Variants in PPM1H observed in about 807,000 individuals in gnomAD.
The protein encoded by PPM1H is protein phosphatase 1H.
In PPM1H, 27 loss-of-function variants were observed where a neutral mutation model predicts 54.9. That is an observed-to-expected ratio of 0.49 (90% confidence interval 0.36 to 0.68). The LOEUF (loss-of-function observed/expected upper bound fraction) is 0.68, where lower values mean the gene tolerates loss of function less well. Among genes scored for constraint, PPM1H ranks in the 30% least tolerant of loss-of-function variants. The pLI, the probability that PPM1H is intolerant of heterozygous loss-of-function variation, is 0.00. For synonymous variants in PPM1H, 305 were observed against 270.8 expected (o/e 1.13, Z -1.24); for missense variants, 596 against 667.8 (o/e 0.89, Z 1.19).
At chr12:62,706,296 C>T (rs930261068) in intron 6 of PPM1H, among the ~76,000 whole-genome samples, 1 of 152,180 alleles carries the variant, frequency 6.6e-6, no homozygotes, top group Non-Finnish European at 1.5e-5. Flanking sequence ...CTTCTGAAAT[C>T]TTCTACTAAC....
At chr12:62,826,109 A>G (rs1411930359) in intron 2 of PPM1H, among the ~76,000 whole-genome samples, 1 of 152,220 alleles carries the variant, frequency 6.6e-6, no homozygotes, top group East Asian at 1.9e-4. Flanking sequence ...GGGATGGCTA[A>G]GAGTTGTCTT....
chr12:62,714,514 T>G (rs1053401674), intron 6 of PPM1H, among the ~76,000 whole-genome samples: 1 of 152,172 alleles, frequency 6.6e-6, no homozygotes, highest in Non-Finnish European at 1.5e-5. Flanking sequence ...ATCTTTCTAA[T>G]GGGATCTGTC....
intron 1 of PPM1H, among the ~76,000 whole-genome samples, chr12:62,875,592 G>C (rs1870136426): frequency 6.6e-6 from 1 of 152,162 alleles, no homozygotes; most frequent in Non-Finnish European, 1.5e-5. Context: ...ATCAAGGATG[G>C]AGTATTTCTG....
intron 3 of PPM1H, among the ~76,000 whole-genome samples, chr12:62,795,604 C>T (rs927522389): frequency 2.0e-5 from 3 of 151,988 alleles, no homozygotes; most frequent in African/African-American, 7.3e-5. Flanking sequence ...CCACCACGCC[C>T]AGCTAATTTT....
intron 3 of PPM1H, among the ~76,000 whole-genome samples, chr12:62,792,402 G>A (rs1315958926): frequency 6.6e-6 from 1 of 152,198 alleles, no homozygotes. Context: ...AATAAGGAAT[G>A]CTAAATTTGG....
chr12:62,876,011 C>A (rs1222879728), intron 1 of PPM1H, among the ~76,000 whole-genome samples: 1 of 152,174 alleles, frequency 6.6e-6, no homozygotes, highest in East Asian at 1.9e-4. Flanking sequence ...GACCCCTTCA[C>A]TCAGCTCTTG....
chr12:62,890,717 T>TACACACAC (rs5798665), intron 1 of PPM1H, among the ~76,000 whole-genome samples: 3 of 143,214 alleles, frequency 2.1e-5, no homozygotes, highest in East Asian at 2.1e-4. Flanking sequence ...TGTGTGTGTA[T>TACACACAC]ACACACACAC....
intron 5 of PPM1H, among the ~76,000 whole-genome samples, chr12:62,722,072 GGCACCCTCCGCGACC>G (rs1565768442): frequency 6.6e-6 from 1 of 152,008 alleles, no homozygotes; most frequent in African/African-American, 2.4e-5. Context: ...AACTAAGCAC[GGCACCCTCCGCGACC>G]GCACAAGTCA....
chr12:62,880,578 C>T (rs1404424109), intron 1 of PPM1H, among the ~76,000 whole-genome samples: 1 of 152,162 alleles, frequency 6.6e-6, no homozygotes, highest in Non-Finnish European at 1.5e-5. Context: ...CATCAGCACT[C>T]CCGATTCCAT....
At chr12:62,839,035 G>A (rs1160764896) in intron 1 of PPM1H, among the ~76,000 whole-genome samples, 2 of 151,240 alleles carry the variant, frequency 1.3e-5, no homozygotes. Flanking sequence ...CACAATCCAT[G>A]ACCAGGGAGA....
chr12:62,897,065 A>T (rs891175897), intron 1 of PPM1H, among the ~76,000 whole-genome samples: 1 of 128,444 alleles, frequency 7.8e-6, no homozygotes, highest in South Asian at 2.8e-4. Context: ...ACACTTGGAC[A>T]CAGGGTGGGG....
At chr12:62,766,455 T>C (rs1027232638) in intron 4 of PPM1H, among the ~76,000 whole-genome samples, 1 of 152,068 alleles carries the variant, frequency 6.6e-6, no homozygotes, top group African/African-American at 2.4e-5. Context: ...GTAAGGCCCT[T>C]GCGCTTATTA....
At chr12:62,743,262 A>G (rs774164) in intron 4 of PPM1H, among the ~76,000 whole-genome samples, 1 of 152,134 alleles carries the variant, frequency 6.6e-6, no homozygotes, top group Non-Finnish European at 1.5e-5. Context: ...CTGAGGCAGG[A>G]GAATTGCTTG....
chr12:62,858,534 A>G lies in PPM1H; in HGVS notation c.246-26255T>C, dbSNP rs148091296. 6.9e-3 allele frequency among the ~76,000 whole-genome samples: 1,046 copies of G among 152,312 alleles called. 11 individuals are homozygous for G. The highest frequency in any genetic ancestry group is 0.031 in the Middle Eastern group (9 of 294). ...TTCAGAAACCACTTGCAAGCATGCA[A>G]TCTGTCTCCCCTACTGTCCACACCT... On this transcript the variant is annotated intron_variant, in intron 1 of 9. Coordinates refer to ENST00000228705, the MANE Select transcript of PPM1H (RefSeq NM_020700.2).
At chr12:62,738,780 G>A (rs556622585) in intron 4 of PPM1H, among the ~76,000 whole-genome samples, 4 of 152,244 alleles carry the variant, frequency 2.6e-5, no homozygotes, top group African/African-American at 7.2e-5. Context: ...GATCAGCTCA[G>A]ATCTGAGTGG....
At chr12:62,929,785 GA>G (rs1872077619) in intron 1 of PPM1H, among the ~76,000 whole-genome samples, 1 of 152,098 alleles carries the variant, frequency 6.6e-6, no homozygotes, top group South Asian at 2.1e-4. Context: ...TTTAAAATAG[GA>G]AATTAATACC....
chr12:62,934,502 C>T lies in PPM1H; in HGVS notation c.235G>A (p.Gly79Ser), dbSNP rs1271212842. The T allele has an allele frequency of 6.5e-7, 1 of 1,546,096 alleles. No homozygotes were observed. The change falls in exon 1 of 10, where the codon GGC becomes AGC. Residue 79 changes from glycine (G) to serine (S), a missense_variant. By Grantham distance (56) the Gly-to-Ser change is moderately conservative (BLOSUM62 0). Transcript: ENST00000228705. The surrounding 1 kb of genome is among the most constrained non-coding windows in gnomAD (Gnocchi z 4.2). ...KETRRLPWAT[G>S]YAEVINAGKS... ...TGTCGCTGCACTCACTCTGCGTAGC[C>T]AGTGGCCCAGGGCAGCCGCCGAGTC...
chr12:62,832,346 G>A (rs1868378987), intron 1 of PPM1H, 67 bp from the exon 2 acceptor site: 7 of 1,480,100 alleles, frequency 4.7e-6, no homozygotes, highest in Non-Finnish European at 6.4e-6. Context: ...CCCTTGTCAA[G>A]GGTCAGCCAA....
chr12:62,888,935 A>C (rs553780256), intron 1 of PPM1H, among the ~76,000 whole-genome samples: 1 of 152,318 alleles, frequency 6.6e-6, no homozygotes, highest in East Asian at 1.9e-4. Context: ...TTTAACACTA[A>C]TGTGGAACTT....
Sources: gnomAD v4.1 joint callset for allele counts (sites outside exome capture counted in the v4.1 genomes callset) on GRCh38, gnomAD v4.1.1 for gene constraint, Gnocchi (gnomAD v3.1) non-coding constraint, MANE v1.5 for transcripts, NCBI Gene and HGNC (gene_info 2026-07-23, HGNC 2026-07-21) for gene names.